The following ITM2B variants were observed in gnomAD, a reference collection of about 807,000 sequenced individuals.
ITM2B encodes ABri/ADan amyloid peptide.
In ITM2B, 11 loss-of-function variants were observed where a neutral mutation model predicts 27.8. The ratio of observed to expected loss-of-function variants is 0.40; its 90% CI spans 0.25 to 0.66. The LOEUF is 0.66. ITM2B is among the 30% of genes least tolerant of loss of function. The pLI is 0.43. For missense variants in ITM2B, 296 were observed against 328.9 expected, an observed-to-expected ratio of 0.90 and a Z score of 0.77; for synonymous variants, 114 against 114.3, an observed-to-expected ratio of 1.00 and a Z score of 0.02.
Position 48,269,366 on chromosome 13 carries a change from A to G in ITM2B, c.*8142A>G, listed in dbSNP as rs1356837079. Reference sequence around the variant, plus strand: ...TCACAACTGATCTTCCTGCTTCCATACTTGACCCCTAGAGCCTCTTCTAAA... The same window carrying G: ...TCACAACTGATCTTCCTGCTTCCATGCTTGACCCCTAGAGCCTCTTCTAAA... On this transcript the variant is annotated 3_prime_UTR_variant, in exon 6 of 6. Transcript: ENST00000647800. 6.6e-6 allele frequency: 1 copy of G among 152,160 alleles called. No individual in the cohort carries two copies. Among genetic ancestry groups the G allele is most frequent in the African/African-American group, 2.4e-5 (1 of 41,392 alleles). The allele number at this position is 152,160 out of a possible 1,614,324, so 9.4% of individuals were successfully genotyped here.
intron 1 of ITM2B, among the ~76,000 whole-genome samples, chr13:48,241,005 T>C (rs531826182): frequency 1.3e-5 from 2 of 152,358 alleles, no homozygotes; most frequent in East Asian, 1.9e-4. Context: ...TAGCTTCTTA[T>C]GGTCTTTTAT....
intron 5 of ITM2B, among the ~76,000 whole-genome samples, chr13:48,259,696 CTT>C (rs35401842): frequency 5.4e-5 from 7 of 129,878 alleles, no homozygotes; most frequent in South Asian, 4.9e-4. Flanking sequence ...AGCTTGATTT[CTT>C]TTTTTTTTTT....
At chr13:48,235,316 T>G (rs958308989) in intron 1 of ITM2B, among the ~76,000 whole-genome samples, 3 of 152,252 alleles carry the variant, frequency 2.0e-5, no homozygotes, top group Non-Finnish European at 4.4e-5. Context: ...TAATCATTGG[T>G]AGCTCCGTGC....
rs1394760320 is a variant in ITM2B, at chr13:48,263,865, C to A, written c.*2641C>A. 4 of 152,152 alleles carry A rather than the reference C, an allele frequency of 2.6e-5. No homozygotes were observed. The highest frequency in any genetic ancestry group is 5.9e-5 in the Non-Finnish European group (4 of 68,068). The allele number at this position is 152,152 out of a possible 1,614,324, so 9.4% of individuals were successfully genotyped here. ...AGGCCCCATTTCCTAATACTGTCAC[C>A]TTGGGGGTAAGGATTTCAACATGAA... On this transcript the variant is annotated 3_prime_UTR_variant, in exon 6 of 6. Transcript: ENST00000647800.
intron 2 of ITM2B, among the ~76,000 whole-genome samples, chr13:48,255,495 A>G (rs892740914): frequency 8.7e-4 from 133 of 152,164 alleles, no homozygotes; most frequent in African/African-American, 3.1e-3. Context: ...GGGTCTCACC[A>G]TGTTGCCCAG....
rs1204746202 is a variant in ITM2B, at chr13:48,263,132, C to A, written c.*1908C>A. The A allele has an allele frequency of 6.6e-6, 1 of 152,116 alleles. No individual in the cohort carries two copies. Among genetic ancestry groups the A allele is most frequent in the Non-Finnish European group, 1.5e-5 (1 of 68,008 alleles). The allele number at this position is 152,116 out of a possible 1,614,324, so 9.4% of individuals were successfully genotyped here. The stretch of plus-strand genomic sequence containing the variant: ...AACTTACACTTTACTAAATGTAATT[C>A]TTTCATTTGAATTTTTAAAGGTTTT... On this transcript the variant is annotated 3_prime_UTR_variant, in exon 6 of 6. Coordinates refer to ENST00000647800, the MANE Select transcript of ITM2B (RefSeq NM_021999.5).
intron 5 of ITM2B, among the ~76,000 whole-genome samples, chr13:48,260,093 G>A (rs142551504): frequency 3.4e-4 from 52 of 152,212 alleles, no homozygotes; most frequent in African/African-American, 1.3e-3. Flanking sequence ...GTGAGAAGAT[G>A]CAGTGTTTGG....
intron 1 of ITM2B, among the ~76,000 whole-genome samples, chr13:48,244,421 A>G (rs1222198501): frequency 6.6e-6 from 1 of 152,242 alleles, no homozygotes; most frequent in African/African-American, 2.4e-5. Flanking sequence ...AGTAGGGCTC[A>G]TAGGATCAAA....
intron 5 of ITM2B, among the ~76,000 whole-genome samples, chr13:48,259,247 C>G (rs1286958835): frequency 1.3e-5 from 2 of 152,176 alleles, no homozygotes; most frequent in African/African-American, 2.4e-5. Flanking sequence ...TTGAGCCATA[C>G]TGAAAGGGTT....
At chr13:48,240,613 A>G (rs1247718467) in intron 1 of ITM2B, among the ~76,000 whole-genome samples, 1 of 152,222 alleles carries the variant, frequency 6.6e-6, no homozygotes, top group Non-Finnish European at 1.5e-5. Context: ...CCTGCAACAT[A>G]AAAACCCTTA....
At chr13:48,260,111 A>C (rs1028563367) in intron 5 of ITM2B, among the ~76,000 whole-genome samples, 1 of 151,842 alleles carries the variant, frequency 6.6e-6, no homozygotes, top group Non-Finnish European at 1.5e-5. Flanking sequence ...TGGTTTTCTG[A>C]TCTTGTGATA....
chr13:48,239,652 T>C (rs1217731170), intron 1 of ITM2B, among the ~76,000 whole-genome samples: 1 of 152,208 alleles, frequency 6.6e-6, no homozygotes, highest in Non-Finnish European at 1.5e-5. Context: ...AGAATATTCT[T>C]GGTTTTCATT....
intron 1 of ITM2B, among the ~76,000 whole-genome samples, chr13:48,242,834 A>G (rs573084350): frequency 6.7e-6 from 1 of 150,038 alleles, no homozygotes; most frequent in Admixed American, 6.6e-5. Flanking sequence ...CAACATTTTT[A>G]TTGACATGAC....
chr13:48,247,386 G>C (rs1004495203), intron 1 of ITM2B, among the ~76,000 whole-genome samples: 5 of 152,058 alleles, frequency 3.3e-5, no homozygotes, highest in Non-Finnish European at 5.9e-5. Flanking sequence ...TTAACACTAA[G>C]AGTTGTTTTC....
intron 1 of ITM2B, among the ~76,000 whole-genome samples, chr13:48,239,865 T>G (rs538989860): frequency 6.6e-6 from 1 of 152,326 alleles, no homozygotes; most frequent in East Asian, 1.9e-4. Context: ...TGTTTTTCTG[T>G]AGCCCATGGG....
chr13:48,259,129 T>G (rs555336023), intron 5 of ITM2B, among the ~76,000 whole-genome samples, 182 bp downstream of exon 5: 6 of 152,230 alleles, frequency 3.9e-5, no homozygotes, highest in Non-Finnish European at 7.3e-5. Context: ...TCCACTCTTT[T>G]CAGGTGGAGA....
chr13:48,233,581 C>A, intron 1 of ITM2B, 104 bp downstream of exon 1: 1 of 648,906 alleles, frequency 1.5e-6, no homozygotes. Flanking sequence ...GCGGGGCTCG[C>A]GCCGCGGGGA....
chr13:48,236,167 G>A (rs1951667181), intron 1 of ITM2B, among the ~76,000 whole-genome samples: 2 of 151,996 alleles, frequency 1.3e-5, no homozygotes, highest in Admixed American at 1.3e-4. Context: ...CCCCTTAATT[G>A]TTTTCACCTT....
chr13:48,253,677 T>C (rs1951767458), intron 1 of ITM2B, 131 bp from the exon 2 acceptor site: 1 of 916,048 alleles, frequency 1.1e-6, no homozygotes, highest in Admixed American at 1.9e-5. Context: ...TTGATTTTGA[T>C]GAGAGACACA....
Sources: gnomAD v4.1 joint callset for allele counts (sites outside exome capture counted in the v4.1 genomes callset) on GRCh38, gnomAD v4.1.1 for gene constraint, MANE v1.5 for transcripts, NCBI Gene and HGNC (gene_info 2026-07-23, HGNC 2026-07-21) for gene names.